EBPL: variants seen among roughly 807,000 people sequenced by gnomAD.
The protein encoded by EBPL is emopamil-binding protein-like.
A neutral mutation model predicts 19.0 loss-of-function variants in EBPL; 20 were observed. The observed-to-expected ratio is 1.05, with a 90% CI of 0.74 to 1.53. EBPL has a LOEUF of 1.53. Ranked by LOEUF, EBPL falls within the 40% of genes most tolerant of loss-of-function variation. The pLI, the probability that EBPL is intolerant of heterozygous loss-of-function variation, is 0.00. For missense variants in EBPL, 219 were observed against 261.1 expected (o/e 0.84, Z 1.11); for synonymous variants, 107 against 117.0 (o/e 0.91, Z 0.55).
intron 1 of EBPL, among the ~76,000 whole-genome samples, chr13:49,689,538 G>C (rs745550187): frequency 6.6e-6 from 1 of 151,970 alleles, no homozygotes; most frequent in Admixed American, 6.6e-5. Flanking sequence ...TAGTACAGAC[G>C]GGGTTTCACC....
intron 1 of EBPL, among the ~76,000 whole-genome samples, chr13:49,690,285 T>C (rs528394477): frequency 6.6e-6 from 1 of 151,978 alleles, no homozygotes; most frequent in Non-Finnish European, 1.5e-5. Flanking sequence ...ACATCAGTCA[T>C]GGGCACAAAG....
At chr13:49,683,378 A>C (rs1368848452) in intron 1 of EBPL, among the ~76,000 whole-genome samples, 1 of 152,010 alleles carries the variant, frequency 6.6e-6, no homozygotes, top group Non-Finnish European at 1.5e-5. Context: ...ATACAAAAAA[A>C]ATTAGCTGGG....
chr13:49,683,997 C>A (rs1391120707), intron 1 of EBPL, among the ~76,000 whole-genome samples: 1 of 152,150 alleles, frequency 6.6e-6, no homozygotes, highest in Non-Finnish European at 1.5e-5. Context: ...TACTACTCAG[C>A]AACTTACGTT....
intron 1 of EBPL, among the ~76,000 whole-genome samples, chr13:49,680,959 T>C (rs1354448642): frequency 1.3e-5 from 2 of 152,212 alleles, no homozygotes; most frequent in African/African-American, 4.8e-5. Flanking sequence ...TTCCCAGAGA[T>C]GACCACTGTT....
intron 1 of EBPL, chr13:49,686,629 T>C (rs1954001887): frequency 7.8e-7 from 1 of 1,286,900 alleles, no homozygotes; most frequent in Non-Finnish European, 1.0e-6. Flanking sequence ...TCTGCTCTTA[T>C]TCCTCAGCTC....
chr13:49,688,263 C>G (rs1027213411), intron 1 of EBPL, among the ~76,000 whole-genome samples: 1 of 152,130 alleles, frequency 6.6e-6, no homozygotes, highest in Admixed American at 6.5e-5. Context: ...GTAGTCATAA[C>G]GAGCTGAACT....
chr13:49,679,461 T>C (rs1243771726), intron 1 of EBPL, among the ~76,000 whole-genome samples: 2 of 152,168 alleles, frequency 1.3e-5, no homozygotes, highest in African/African-American at 4.8e-5. Context: ...CTCCACTAGG[T>C]GTCAGGCGTG....
rs768214631 is a variant in EBPL, at chr13:49,660,969, C to T, written c.620G>A (p.Ter207=). The T allele has an allele frequency of 4.4e-6, 7 of 1,606,294 alleles. No homozygotes were observed. Among genetic ancestry groups the T allele is most frequent in the Non-Finnish European group, 6.0e-6 (7 of 1,175,840 alleles). The stretch of plus-strand genomic sequence containing the variant: ...AATGGTGTTTATGGTTTTGAAAGTT[C>T]ACTGAAACTTCTTCACTGAACTGGT... ...KETSSVKKFQ[*] is the part of the protein sequence containing the mutation. The change falls in exon 4 of 4, where the codon TGA becomes TAA. Residue 207 remains the stop codon, a stop_retained_variant. Transcript: ENST00000242827.
intron 2 of EBPL, among the ~76,000 whole-genome samples, chr13:49,669,336 G>A (rs929844764): frequency 6.6e-6 from 1 of 152,110 alleles, no homozygotes; most frequent in East Asian, 1.9e-4. Context: ...GAGTAGCTGG[G>A]ACTACAGGTG....
In EBPL at chr13:49,691,327, C is replaced by A; in HGVS notation, c.98G>T (p.Gly33Val). ...GCGGTCCGCCGCCCCCTGCCCGCGG[C>A]CCAGGCGCAGGCCCAGGGCGCAGCC... ...AAGCALGLRL[G>V]RGQGAADRGA... The change falls in exon 1 of 4, where the codon GGC becomes GTC. Residue 33 changes from glycine (G) to valine (V), a missense_variant. Gly to Val is a moderately radical substitution (Grantham distance 109). Around this residue, in one of 2 missense-constraint regions of EBPL, gnomAD observed 170 missense variants for 167.0 expected, o/e 1.02. Transcript: ENST00000242827. 1 of 1,368,306 alleles carries A rather than the reference C, an allele frequency of 7.3e-7. No homozygotes were observed. The highest frequency in any genetic ancestry group is 1.5e-5 in the African/African-American group (1 of 66,214). 84.8% of individuals were successfully genotyped at this position (1,368,306 alleles called of 1,614,324 possible).
intron 1 of EBPL, among the ~76,000 whole-genome samples, chr13:49,679,006 T>TAAAA (rs71188373): frequency 4.2e-5 from 4 of 95,162 alleles, no homozygotes; most frequent in East Asian, 2.8e-4. Context: ...AGACTCCGTC[T>TAAAA]AAAAAAAAAA....
intron 1 of EBPL, among the ~76,000 whole-genome samples, chr13:49,676,882 C>T (rs752858260): frequency 3.9e-5 from 6 of 152,172 alleles, no homozygotes; most frequent in Non-Finnish European, 8.8e-5. Context: ...TGGTATTAGC[C>T]GGGCCACCTA....
chr13:49,686,370 C>A, intron 1 of EBPL: 1 of 1,156,960 alleles, frequency 8.6e-7, no homozygotes, highest in Non-Finnish European at 1.1e-6. Context: ...CTTTCATCTA[C>A]TGCCCAGCTT....
At chr13:49,687,667 C>T (rs1954013266) in intron 1 of EBPL, among the ~76,000 whole-genome samples, 1 of 152,160 alleles carries the variant, frequency 6.6e-6, no homozygotes, top group Non-Finnish European at 1.5e-5. Flanking sequence ...ATGGACAGGC[C>T]ACCACCAGCT....
chr13:49,663,765 G>A (rs1010617535), intron 2 of EBPL, among the ~76,000 whole-genome samples: 1 of 151,442 alleles, frequency 6.6e-6, no homozygotes, highest in Non-Finnish European at 1.5e-5. Context: ...GTGAAACCCT[G>A]TCTCTACTAA....
intron 1 of EBPL, among the ~76,000 whole-genome samples, chr13:49,688,753 A>C (rs2137514929): frequency 6.7e-6 from 1 of 149,904 alleles, no homozygotes; most frequent in African/African-American, 2.5e-5. Context: ...GTGTCGGGTT[A>C]AGGAGAGGCA....
chr13:49,666,066 A>G (rs1965222988), intron 2 of EBPL, among the ~76,000 whole-genome samples: 1 of 152,172 alleles, frequency 6.6e-6, no homozygotes, highest in Non-Finnish European at 1.5e-5. Context: ...CCGGGAAAGG[A>G]GGACATCTCG....
intron 1 of EBPL, chr13:49,686,502 G>A (rs943576450): frequency 1.6e-6 from 2 of 1,286,674 alleles, no homozygotes; most frequent in Non-Finnish European, 2.0e-6. Flanking sequence ...TTTTTTTAAT[G>A]GTGCTACAGC....
intron 1 of EBPL, among the ~76,000 whole-genome samples, chr13:49,673,426 C>A (rs1953839812): frequency 6.6e-6 from 1 of 152,126 alleles, no homozygotes; most frequent in Non-Finnish European, 1.5e-5. Flanking sequence ...ATAATGGTTA[C>A]ATTTATTTTT....
Sources: gnomAD v4.1 joint callset for allele counts (sites outside exome capture counted in the v4.1 genomes callset) on GRCh38, gnomAD v4.1.1 for gene constraint, gnomAD v4.1.1 regional missense constraint, MANE v1.5 for transcripts, NCBI Gene and HGNC (gene_info 2026-07-23, HGNC 2026-07-21) for gene names.